The following MEF2A variants were observed in gnomAD, a reference collection of about 807,000 sequenced individuals.
MEF2A encodes the protein myocyte enhancer factor 2A.
MEF2A carries 28 observed loss-of-function variants against 55.8 expected under a neutral mutation model. That is an observed-to-expected ratio of 0.50 (90% confidence interval 0.37 to 0.69). The LOEUF is 0.69. Among genes scored for constraint, MEF2A ranks in the 30% least tolerant of loss-of-function variants. MEF2A has a pLI of 0.00. For synonymous variants in MEF2A, 239 were observed against 227.1 expected (o/e 1.05, Z -0.47); for missense variants, 528 against 626.2 (o/e 0.84, Z 1.67).
intron 4 of MEF2A, among the ~76,000 whole-genome samples, chr15:99,661,010 TAATG>T (rs2048527085): frequency 6.6e-6 from 1 of 152,160 alleles, no homozygotes; most frequent in Non-Finnish European, 1.5e-5. Context: ...AAAGCTATAA[TAATG>T]AACATACAGT....
intron 2 of MEF2A, among the ~76,000 whole-genome samples, chr15:99,626,947 G>T (rs2042138884): frequency 6.6e-6 from 1 of 152,114 alleles, no homozygotes; most frequent in East Asian, 1.9e-4. Context: ...TTCTGGAAAT[G>T]GAAGATTGTA....
At chr15:99,614,558 T>C (rs2153223553) in intron 2 of MEF2A, among the ~76,000 whole-genome samples, 1 of 152,318 alleles carries the variant, frequency 6.6e-6, no homozygotes, top group Admixed American at 6.5e-5. Flanking sequence ...GGTTACAGTT[T>C]GGTTGGGGGA....
intron 4 of MEF2A, among the ~76,000 whole-genome samples, chr15:99,647,589 T>C (rs2046174653): frequency 6.6e-6 from 1 of 152,184 alleles, no homozygotes; most frequent in Non-Finnish European, 1.5e-5. Context: ...TCAATCTTCA[T>C]CTCTGTTGTG....
intron 8 of MEF2A, among the ~76,000 whole-genome samples, chr15:99,691,616 T>C (rs1191768575): frequency 6.6e-6 from 1 of 152,076 alleles, no homozygotes; most frequent in Non-Finnish European, 1.5e-5. Flanking sequence ...GAGAATCGTT[T>C]GAACCCAAGA....
chr15:99,696,252 C>T (rs1462584977), intron 8 of MEF2A, among the ~76,000 whole-genome samples: 1 of 152,098 alleles, frequency 6.6e-6, no homozygotes, highest in African/African-American at 2.4e-5. Flanking sequence ...AACACTCGAC[C>T]AACATGACCT....
chr15:99,588,560 C>T (rs970939735), intron 1 of MEF2A, among the ~76,000 whole-genome samples: 2 of 151,986 alleles, frequency 1.3e-5, no homozygotes, highest in African/African-American at 4.8e-5. Context: ...GCCATCTCAC[C>T]CTCCCAAAGT....
At chr15:99,710,485 C>A in intron 10 of MEF2A, 149 bp from the exon 11 acceptor site, 1 of 849,292 alleles carries the variant, frequency 1.2e-6, no homozygotes. Flanking sequence ...TCAAGTGATC[C>A]GCCCATCTTG....
chr15:99,571,810 T>G (rs564715127), intron 1 of MEF2A, among the ~76,000 whole-genome samples: 1 of 152,150 alleles, frequency 6.6e-6, no homozygotes, highest in Non-Finnish European at 1.5e-5. Flanking sequence ...AGCCAAAAAC[T>G]TAAGATATTA....
intron 7 of MEF2A, among the ~76,000 whole-genome samples, chr15:99,689,989 C>T (rs372992184): frequency 1.8e-4 from 27 of 152,146 alleles, no homozygotes; most frequent in African/African-American, 6.0e-4. Context: ...TGAGCACTGA[C>T]GTGATTCTCA....
At chr15:99,580,887 G>A (rs901874130) in intron 1 of MEF2A, among the ~76,000 whole-genome samples, 2 of 152,042 alleles carry the variant, frequency 1.3e-5, no homozygotes, top group Non-Finnish European at 2.9e-5. Flanking sequence ...TTTATTTTAT[G>A]GTTTTGACAG....
intron 2 of MEF2A, among the ~76,000 whole-genome samples, chr15:99,611,765 C>G (rs921528821): frequency 6.6e-6 from 1 of 152,182 alleles, no homozygotes; most frequent in African/African-American, 2.4e-5. Flanking sequence ...GTGGAATCAA[C>G]TCAGATGTCT....
intron 5 of MEF2A, among the ~76,000 whole-genome samples, chr15:99,673,390 T>A (rs1344115359): frequency 6.6e-6 from 1 of 152,242 alleles, no homozygotes. Context: ...AATTGTCATA[T>A]ACCCACTGTT....
chr15:99,648,816 T>C (rs979171016), intron 4 of MEF2A, among the ~76,000 whole-genome samples: 2 of 152,198 alleles, frequency 1.3e-5, no homozygotes, highest in Non-Finnish European at 2.9e-5. Context: ...GAGGATGTGC[T>C]GTCAGCCTCA....
At chr15:99,588,702 C>G (rs1159028450) in intron 1 of MEF2A, among the ~76,000 whole-genome samples, 1 of 152,016 alleles carries the variant, frequency 6.6e-6, no homozygotes, top group Non-Finnish European at 1.5e-5. Context: ...CTCAGCCTCC[C>G]AAAGTGCTGG....
At chr15:99,603,090 G>A (rs1013851936) in intron 2 of MEF2A, among the ~76,000 whole-genome samples, 1 of 152,098 alleles carries the variant, frequency 6.6e-6, no homozygotes, top group African/African-American at 2.4e-5. Flanking sequence ...TTTTCTAAAA[G>A]AGTATTTAAT....
intron 2 of MEF2A, among the ~76,000 whole-genome samples, chr15:99,622,111 A>G (rs2041278489): frequency 6.6e-6 from 1 of 152,240 alleles, no homozygotes. Flanking sequence ...TATGAGTGCT[A>G]GATTCTATGA....
chr15:99,632,286 G>A (rs1354237021), intron 2 of MEF2A, among the ~76,000 whole-genome samples: 1 of 152,192 alleles, frequency 6.6e-6, no homozygotes, highest in African/African-American at 2.4e-5. Context: ...TGATAAGGAG[G>A]TGTTCATTAA....
intron 2 of MEF2A, among the ~76,000 whole-genome samples, chr15:99,631,886 C>T (rs2043004720): frequency 6.6e-6 from 1 of 152,196 alleles, no homozygotes; most frequent in African/African-American, 2.4e-5. Flanking sequence ...CAGATTTAAT[C>T]ACACACTGGA....
chr15:99,569,979 CTTAT>C (rs1567130060), intron 1 of MEF2A, among the ~76,000 whole-genome samples: 1 of 151,524 alleles, frequency 6.6e-6, no homozygotes, highest in Non-Finnish European at 1.5e-5. Context: ...TAGGTTGGTA[CTTAT>C]TTAATAAGTA....
Sources: allele counts gnomAD v4.1 joint callset (sites outside exome capture counted in the v4.1 genomes callset), GRCh38; gene constraint gnomAD v4.1.1; transcripts MANE v1.5; gene names NCBI Gene and HGNC (gene_info 2026-07-23, HGNC 2026-07-21).